The following ARHGAP28 variants were observed in gnomAD, a reference collection of about 807,000 sequenced individuals.
The protein encoded by ARHGAP28 is Rho GTPase activating protein 28.
A neutral mutation model predicts 90.7 loss-of-function variants in ARHGAP28; 56 were observed. The observed-to-expected ratio is 0.62, with a 90% CI of 0.50 to 0.77. ARHGAP28 has a LOEUF of 0.77. ARHGAP28 is among the 30% of genes least tolerant of loss of function. ARHGAP28 has a pLI of 0.00. For synonymous variants in ARHGAP28, 308 were observed against 323.3 expected (o/e 0.95, Z 0.51); for missense variants, 869 against 900.9 (o/e 0.96, Z 0.45).
chr18:6,849,912 T>G (rs1465645601), intron 3 of ARHGAP28, among the ~76,000 whole-genome samples: 1 of 152,292 alleles, frequency 6.6e-6, no homozygotes, highest in East Asian at 1.9e-4. Flanking sequence ...TCCAAGTATT[T>G]CTGTAATTAT....
chr18:6,892,857 C>T (rs369509931), intron 14 of ARHGAP28, among the ~76,000 whole-genome samples: 24 of 152,340 alleles, frequency 1.6e-4, no homozygotes, highest in African/African-American at 5.5e-4. Flanking sequence ...TGCTGGGGCA[C>T]ACCTTTAGCA....
At chr18:6,770,093 A>G (rs1202762826) in intron 1 of ARHGAP28, among the ~76,000 whole-genome samples, 1 of 152,160 alleles carries the variant, frequency 6.6e-6, no homozygotes, top group Non-Finnish European at 1.5e-5. Context: ...GGAAAAATTC[A>G]TTTTTGTTTT....
chr18:6,873,821 T>G (rs762741444), intron 9 of ARHGAP28, 46 bp downstream of exon 9: 17 of 1,507,566 alleles, frequency 1.1e-5, no homozygotes, highest in Non-Finnish European at 1.5e-5. Context: ...GCCTCATGCT[T>G]ATGATTTGGC....
chr18:6,772,724 TA>T (rs1166243056), intron 1 of ARHGAP28, among the ~76,000 whole-genome samples: 4 of 151,602 alleles, frequency 2.6e-5, no homozygotes, highest in East Asian at 1.9e-4. Flanking sequence ...TGATGGGTTT[TA>T]TTTTTTTTTA....
chr18:6,890,346 G>A, intron 13 of ARHGAP28, 84 bp from the exon 14 acceptor site: 1 of 862,018 alleles, frequency 1.2e-6, no homozygotes, highest in Admixed American at 2.6e-5. Flanking sequence ...GTGACTGGGA[G>A]GAGTTGCCAT....
At chr18:6,787,576 A>G (rs2143529559) in intron 1 of ARHGAP28, among the ~76,000 whole-genome samples, 1 of 152,304 alleles carries the variant, frequency 6.6e-6, no homozygotes, top group East Asian at 1.9e-4. Context: ...GTTTTTATCT[A>G]AGACAATATA....
intron 16 of ARHGAP28, chr18:6,897,244 A>G (rs1265266210): frequency 1.3e-5 from 2 of 152,268 alleles, no homozygotes; most frequent in African/African-American, 4.8e-5. Flanking sequence ...ATGAAAATAT[A>G]GCAAGTTAGT....
At chr18:6,851,010 C>T (rs757318152) in intron 3 of ARHGAP28, 24 bp from the exon 4 acceptor site, 27 of 1,612,304 alleles carry the variant, frequency 1.7e-5, no homozygotes, top group East Asian at 4.5e-5. Flanking sequence ...CCTGGATAAA[C>T]GTGGCTTTCA....
intron 2 of ARHGAP28, among the ~76,000 whole-genome samples, chr18:6,826,683 C>CTTTTTTTTT (rs36069648): frequency 4.4e-4 from 39 of 88,254 alleles, no homozygotes; most frequent in Non-Finnish European, 5.5e-4. Context: ...GGATTTTGAG[C>CTTTTTTTTT]TTTTTTTTTT....
intron 7 of ARHGAP28, 119 bp downstream of exon 7, chr18:6,870,851 A>T (rs1208370775): frequency 1.6e-5 from 18 of 1,103,328 alleles, no homozygotes; most frequent in Non-Finnish European, 2.0e-5. Context: ...CCCAGGCTGG[A>T]GTGCAGTGGC....
chr18:6,772,960 C>T (rs916675063), intron 1 of ARHGAP28, among the ~76,000 whole-genome samples: 7 of 152,036 alleles, frequency 4.6e-5, no homozygotes, highest in Non-Finnish European at 1.0e-4. Flanking sequence ...AGGCTGGTCT[C>T]GAACTCCTGA....
chr18:6,904,722 A>T (rs991691761), intron 16 of ARHGAP28, among the ~76,000 whole-genome samples: 2 of 152,212 alleles, frequency 1.3e-5, no homozygotes, highest in African/African-American at 4.8e-5. Context: ...ACACAAATCA[A>T]GAATATCAAA....
At chr18:6,764,675 C>T (rs1464824612) in intron 1 of ARHGAP28, among the ~76,000 whole-genome samples, 1 of 152,156 alleles carries the variant, frequency 6.6e-6, no homozygotes, top group Non-Finnish European at 1.5e-5. Context: ...AAGAGAGATT[C>T]CATTTTTAAG....
At chr18:6,794,686 A>T (rs2056429165) in intron 1 of ARHGAP28, among the ~76,000 whole-genome samples, 1 of 141,334 alleles carries the variant, frequency 7.1e-6, no homozygotes, top group Non-Finnish European at 1.5e-5. Flanking sequence ...GATCAATTTA[A>T]TTTTTTTTAT....
intron 5 of ARHGAP28, among the ~76,000 whole-genome samples, 181 bp downstream of exon 5, chr18:6,860,078 C>T (rs2056986072): frequency 6.6e-6 from 1 of 152,324 alleles, no homozygotes; most frequent in Non-Finnish European, 1.5e-5. Flanking sequence ...AAGAAAGAGG[C>T]TCAAAATAAA....
rs534660237 is a variant in ARHGAP28, at chr18:6,830,541, A to G, written c.325+5577A>G. 2.4e-3 allele frequency among the ~76,000 whole-genome samples: 370 copies of G among 151,710 alleles called. 2 individuals are homozygous for G. The highest frequency in any genetic ancestry group is 0.01 in the Middle Eastern group (3 of 294). ...TGTGTCCATGTATTCTCATTGTTCAACTCCCACTTATGAGTGAGAACATGT... is the reference window on the plus strand; with the variant it reads ...TGTGTCCATGTATTCTCATTGTTCAGCTCCCACTTATGAGTGAGAACATGT... On this transcript the variant is annotated intron_variant, in intron 2 of 17. Coordinates refer to ENST00000383472, the MANE Select transcript of ARHGAP28 (RefSeq NM_001366230.1).
chr18:6,844,726 G>A (rs1198784364), intron 3 of ARHGAP28, among the ~76,000 whole-genome samples: 1 of 151,942 alleles, frequency 6.6e-6, no homozygotes, highest in African/African-American at 2.4e-5. Flanking sequence ...CAACTGGTAA[G>A]TTAAGGCAAG....
chr18:6,791,819 CTTTTTTTTTT>C (rs2056408218), intron 1 of ARHGAP28: 1 of 146,050 alleles, frequency 6.8e-6, no homozygotes, highest in African/African-American at 2.5e-5. Context: ...CAGTTTTTTT[CTTTTTTTTTT>C]AATTTGTGGG....
At chr18:6,912,018 C>T in intron 17 of ARHGAP28, 42 bp from the exon 18 acceptor site, 2 of 1,380,638 alleles carry the variant, frequency 1.4e-6, no homozygotes, top group Non-Finnish European at 1.0e-6. Flanking sequence ...CGCACACACA[C>T]ACAAATGTAC....
Sources: allele counts gnomAD v4.1 joint callset (sites outside exome capture counted in the v4.1 genomes callset), GRCh38; gene constraint gnomAD v4.1.1; transcripts MANE v1.5; gene names NCBI Gene and HGNC (gene_info 2026-07-23, HGNC 2026-07-21).